Variants in PKHD1 observed in about 807,000 individuals in gnomAD.
PKHD1 encodes fibrocystin.
In PKHD1, 291 loss-of-function variants were observed where a neutral mutation model predicts 412.0. That is an observed-to-expected ratio of 0.71 (90% CI 0.64 to 0.78). PKHD1 has a LOEUF of 0.78. Among genes scored for constraint, PKHD1 ranks in the 30% least tolerant of loss-of-function variants. The pLI, the probability that PKHD1 is intolerant of heterozygous loss-of-function variation, is 0.00. For synonymous variants in PKHD1, 1,777 were observed against 1,821.5 expected, an observed-to-expected ratio of 0.98 and a Z score of 0.62; for missense variants, 4,825 against 4,950.7, an observed-to-expected ratio of 0.97 and a Z score of 0.76.
intron 38 of PKHD1, 121 bp from the exon 39 acceptor site, chr6:51,912,077 C>G: frequency 1.2e-6 from 1 of 821,312 alleles, no homozygotes; most frequent in Non-Finnish European, 2.0e-6. Flanking sequence ...TTTAGAAACT[C>G]AATACCAAAT....
intron 35 of PKHD1, among the ~76,000 whole-genome samples, chr6:51,981,488 G>GTT (rs147722172): frequency 1.6e-4 from 20 of 127,238 alleles, no homozygotes; most frequent in African/African-American, 5.5e-4. Flanking sequence ...ACTGGTTTTC[G>GTT]TTTTTTTTTT....
chr6:51,933,666 T>C (rs1266887), intron 37 of PKHD1, among the ~76,000 whole-genome samples: 107,196 of 152,126 alleles, frequency 0.7, 38,255 homozygotes, highest in East Asian at 0.94. Context: ...AGGAACTGCC[T>C]CTATCTGGGA....
rs777183511 is a variant in PKHD1 at position 52,050,167 on chromosome 6, T to C, written c.2269A>G (p.Ile757Val). The stretch of plus-strand genomic sequence containing the variant: ...AAAGCCACTCCTTACCGTGCAGTGA[T>C]GAGCGGGAGCTCCGTGCCACACCCC... ...LAGCGTELPLITARSVPTEGT... is the reference protein window; with the variant it reads ...LAGCGTELPLVTARSVPTEGT... The change falls in exon 22 of 67, where the codon ATC (isoleucine) becomes GTC (valine). Residue 757 changes from isoleucine (I) to valine (V), a missense_variant. Physicochemically the swap from Ile to Val is conservative, Grantham distance 29 (BLOSUM62 3). Coordinates refer to ENST00000371117, the MANE Select transcript of PKHD1 (RefSeq NM_138694.4). 4.0e-5 allele frequency: 65 copies of C among 1,614,036 alleles called. No individual in the cohort carries two copies. The highest frequency in any genetic ancestry group is 5.3e-5 in the Non-Finnish European group (62 of 1,180,026).
At chr6:52,005,484 G>A (rs867593478) in intron 35 of PKHD1, among the ~76,000 whole-genome samples, 3 of 152,146 alleles carry the variant, frequency 2.0e-5, no homozygotes, top group Admixed American at 6.5e-5. Context: ...TGCGCATGCT[G>A]GTTCCCCCAC....
At chr6:51,782,828 G>C (rs571646147) in intron 53 of PKHD1, among the ~76,000 whole-genome samples, 62 of 152,204 alleles carry the variant, frequency 4.1e-4, no homozygotes, top group African/African-American at 1.4e-3. Flanking sequence ...CTTTAAGCTG[G>C]AGGATATGTT....
intron 12 of PKHD1, 112 bp from the exon 13 acceptor site, chr6:52,065,162 T>TAGAGAGAGAG (rs1436993640): frequency 4.5e-4 from 30 of 66,186 alleles, no homozygotes; most frequent in African/African-American, 6.8e-4. Flanking sequence ...TATATATATA[T>TAGAGAGAGAG]ATATATAGAG....
At chr6:51,942,894 C>A (rs1392906123) in intron 36 of PKHD1, among the ~76,000 whole-genome samples, 3 of 151,638 alleles carry the variant, frequency 2.0e-5, no homozygotes, top group African/African-American at 7.3e-5. Context: ...CCCCTCCCTA[C>A]ACATCAAGCT....
intron 47 of PKHD1, among the ~76,000 whole-genome samples, 196 bp from the exon 48 acceptor site, chr6:51,868,305 A>G (rs1775413861): frequency 6.6e-6 from 1 of 152,118 alleles, no homozygotes. Flanking sequence ...TGTGCTAGAG[A>G]TACTAAGAGG....
chr6:51,828,636 C>A (rs1351218006), intron 52 of PKHD1, among the ~76,000 whole-genome samples: 1 of 151,994 alleles, frequency 6.6e-6, no homozygotes, highest in Non-Finnish European at 1.5e-5. Context: ...GCACTTCATC[C>A]AAATGATGCT....
At chr6:52,068,172 A>C (rs1810037539) in intron 11 of PKHD1, among the ~76,000 whole-genome samples, 1 of 152,204 alleles carries the variant, frequency 6.6e-6, no homozygotes, top group African/African-American at 2.4e-5. Flanking sequence ...TGTCAGTTTT[A>C]GAGATGCTTA....
intron 60 of PKHD1, among the ~76,000 whole-genome samples, chr6:51,704,317 A>G (rs1485554326): frequency 1.3e-5 from 2 of 152,206 alleles, no homozygotes; most frequent in Admixed American, 1.3e-4. Flanking sequence ...GAGTCTTGTG[A>G]TAGAGGTTAG....
chr6:51,848,309 A>T (rs1771581630), intron 49 of PKHD1, among the ~76,000 whole-genome samples: 1 of 152,238 alleles, frequency 6.6e-6, no homozygotes, highest in Non-Finnish European at 1.5e-5. Flanking sequence ...AGAAGAGACA[A>T]GGCCAGGTCT....
At chr6:51,816,868 A>C (rs2151429387) in intron 52 of PKHD1, among the ~76,000 whole-genome samples, 1 of 152,328 alleles carries the variant, frequency 6.6e-6, no homozygotes, top group Middle Eastern at 3.4e-3. Flanking sequence ...GCTCAATTAA[A>C]CTCTGTTAAA....
chr6:51,842,171 G>A (rs1205502271), intron 50 of PKHD1, among the ~76,000 whole-genome samples: 1 of 152,194 alleles, frequency 6.6e-6, no homozygotes, highest in East Asian at 1.9e-4. Flanking sequence ...GAAGGTGGTG[G>A]TGCAGCAGGA....
At chr6:51,796,916 G>A (rs4510663) in intron 52 of PKHD1, among the ~76,000 whole-genome samples, 114,092 of 151,188 alleles carry the variant, frequency 0.75, 43,305 homozygotes, top group East Asian at 0.97. Context: ...GGATTCAAAT[G>A]GATTCCCTTG....
At chr6:52,074,885 A>T (rs975814108) in intron 6 of PKHD1, among the ~76,000 whole-genome samples, 2 of 152,152 alleles carry the variant, frequency 1.3e-5, no homozygotes, top group Non-Finnish European at 2.9e-5. Context: ...CCAGCCCGCC[A>T]CCAATCCTTT....
intron 35 of PKHD1, among the ~76,000 whole-genome samples, chr6:52,002,795 C>T (rs1798598280): frequency 6.6e-6 from 1 of 152,120 alleles, no homozygotes; most frequent in African/African-American, 2.4e-5. Context: ...AAAGTATTTT[C>T]AAATTAGCCT....
At chr6:51,751,842 A>C (rs1786166391) in intron 57 of PKHD1, among the ~76,000 whole-genome samples, 1 of 152,184 alleles carries the variant, frequency 6.6e-6, no homozygotes, top group African/African-American at 2.4e-5. Flanking sequence ...TCTTATGAGG[A>C]TTTTAGGATT....
chr6:51,640,280 C>A (rs1443102340), intron 63 of PKHD1, among the ~76,000 whole-genome samples: 1 of 152,148 alleles, frequency 6.6e-6, no homozygotes, highest in Non-Finnish European at 1.5e-5. Context: ...AGTGAGTTGG[C>A]CTCGTAGAAC....
Sources: gnomAD v4.1 joint callset for allele counts (sites outside exome capture counted in the v4.1 genomes callset) on GRCh38, gnomAD v4.1.1 for gene constraint, MANE v1.5 for transcripts, NCBI Gene and HGNC (gene_info 2026-07-23, HGNC 2026-07-21) for gene names.